Variants in RARB observed in about 807,000 individuals in gnomAD.
The protein encoded by RARB is HBV-activated protein.
A neutral mutation model predicts 51.9 loss-of-function variants in RARB; 17 were observed. That is an observed-to-expected ratio of 0.33 (90% CI 0.22 to 0.49). RARB has a LOEUF of 0.49. Among genes scored for constraint, RARB ranks in the 20% least tolerant of loss-of-function variants. The pLI is 0.99. For synonymous variants in RARB, 215 were observed against 195.4 expected (o/e 1.10, Z -0.84); for missense variants, 369 against 550.8 (o/e 0.67, Z 3.30).
intron 2 of RARB, among the ~76,000 whole-genome samples, chr3:25,001,953 T>C (rs756202878): frequency 2.6e-5 from 4 of 152,116 alleles, no homozygotes; most frequent in Admixed American, 2.6e-4. Flanking sequence ...AATTTTTTTA[T>C]AGATACAGGG....
At chr3:25,336,967 G>A (rs996812940) in intron 5 of RARB, among the ~76,000 whole-genome samples, 2 of 152,104 alleles carry the variant, frequency 1.3e-5, no homozygotes, top group African/African-American at 4.8e-5. Context: ...CAGAGTGTGT[G>A]GACGAGTTCA....
intron 2 of RARB, among the ~76,000 whole-genome samples, chr3:25,492,929 C>A (rs952223752): frequency 3.3e-5 from 5 of 151,656 alleles, no homozygotes; most frequent in Admixed American, 2.6e-4. Flanking sequence ...GCCATGGCTA[C>A]ACCTTTACTA....
chr3:25,287,512 G>T (rs1218815862), intron 5 of RARB, among the ~76,000 whole-genome samples: 2 of 152,148 alleles, frequency 1.3e-5, no homozygotes, highest in Non-Finnish European at 2.9e-5. Context: ...CATAGAAACT[G>T]CTTCCATCCA....
chr3:25,336,550 A>G (rs1486293448), intron 5 of RARB, among the ~76,000 whole-genome samples: 3 of 152,134 alleles, frequency 2.0e-5, no homozygotes, highest in Non-Finnish European at 4.4e-5. Flanking sequence ...TCCTGGCCCA[A>G]TTCTTCTTTG....
intron 2 of RARB, among the ~76,000 whole-genome samples, chr3:25,026,054 A>G (rs887031472): frequency 6.6e-6 from 1 of 152,180 alleles, no homozygotes; most frequent in African/African-American, 2.4e-5. Context: ...ATGGAATAGT[A>G]CAAAGTGATT....
intron 5 of RARB, among the ~76,000 whole-genome samples, chr3:25,205,764 A>G (rs918129061): frequency 8.6e-5 from 13 of 151,512 alleles, no homozygotes; most frequent in Admixed American, 7.2e-4. Flanking sequence ...TTTTCTTGAG[A>G]CGGGGTCTCA....
chr3:25,305,624 C>T (rs1023709644), intron 5 of RARB, among the ~76,000 whole-genome samples: 8 of 152,244 alleles, frequency 5.3e-5, no homozygotes, highest in African/African-American at 7.2e-5. Flanking sequence ...CCACAGATAT[C>T]AGGCAGGCCA....
intron 2 of RARB, among the ~76,000 whole-genome samples, chr3:24,998,605 C>A (rs921463928): frequency 1.3e-5 from 2 of 152,108 alleles, no homozygotes; most frequent in Admixed American, 6.6e-5. Flanking sequence ...TGCCTTTTAT[C>A]CTAAGGAGTT....
intron 2 of RARB, among the ~76,000 whole-genome samples, chr3:24,975,787 T>A (rs1341417563): frequency 2.0e-5 from 3 of 152,132 alleles, no homozygotes; most frequent in Non-Finnish European, 2.9e-5. Flanking sequence ...TTTGTTATTA[T>A]ACATTAAGTT....
At chr3:25,270,616 G>A (rs1218852090) in intron 5 of RARB, among the ~76,000 whole-genome samples, 1 of 152,180 alleles carries the variant, frequency 6.6e-6, no homozygotes, top group Non-Finnish European at 1.5e-5. Context: ...AATGGGGAGA[G>A]AATAAGCCGT....
At chr3:25,182,528 G>T (rs1344799265) in intron 5 of RARB, among the ~76,000 whole-genome samples, 1 of 152,168 alleles carries the variant, frequency 6.6e-6, no homozygotes, top group African/African-American at 2.4e-5. Context: ...GGACTCAAAA[G>T]TATTGTTATA....
At chr3:25,338,931 C>G (rs1705142382) in intron 5 of RARB, among the ~76,000 whole-genome samples, 1 of 152,074 alleles carries the variant, frequency 6.6e-6, no homozygotes, top group African/African-American at 2.4e-5. Flanking sequence ...AATCGGGTCT[C>G]TGAGAGAACA....
At chr3:24,855,339 G>A (rs1009863136) in intron 1 of RARB, among the ~76,000 whole-genome samples, 5 of 152,198 alleles carry the variant, frequency 3.3e-5, no homozygotes, top group African/African-American at 9.7e-5. Context: ...TCAGAGGGCA[G>A]TGAGTAGGCC....
rs147592584 is a variant in RARB at position 25,019,229 on chromosome 3, A to T, written c.-379-40896A>T. Among the ~76,000 whole-genome samples, 370 of 152,302 alleles carry T rather than the reference A, an allele frequency of 2.4e-3. 2 individuals are homozygous for T. Among genetic ancestry groups the T allele is most frequent in the African/African-American group, 8.5e-3 (355 of 41,562 alleles). Reference sequence around the variant, plus strand: ...ATTGTGGAATGTTATTGTTATTTTTAAAAATGCCCTAAAAATGTTAAATCA... The same window carrying T: ...ATTGTGGAATGTTATTGTTATTTTTTAAAATGCCCTAAAAATGTTAAATCA... On this transcript the variant is annotated intron_variant, in intron 2 of 11. Transcript: ENST00000383772.
chr3:25,559,108 C>T (rs766429609), intron 3 of RARB, among the ~76,000 whole-genome samples: 1 of 152,120 alleles, frequency 6.6e-6, no homozygotes, highest in Non-Finnish European at 1.5e-5. Context: ...CCTTTAAAGG[C>T]CACCGCAAAC....
chr3:25,386,670 C>A (rs1468378239), intron 5 of RARB, among the ~76,000 whole-genome samples: 1 of 152,072 alleles, frequency 6.6e-6, no homozygotes, highest in African/African-American at 2.4e-5. Flanking sequence ...TTCTGAGGTT[C>A]CCTTTGAGAG....
rs76974912 is a variant in RARB, at chr3:24,896,912, C to G, written c.-380+38160C>G. Among the ~76,000 whole-genome samples, 2,079 of 152,220 alleles carry G rather than the reference C, an allele frequency of 0.014. 97 individuals carry two copies. The East Asian group carries it at 0.16, about 12-fold the overall frequency. On this transcript the variant is annotated intron_variant, in intron 2 of 11. Transcript: ENST00000383772. ...AAAAATAATGGACACATTAAACTTG[C>G]CCAGAAGTTAACCCTTCACATTCAA... is the stretch of plus-strand genomic sequence containing the variant.
intron 3 of RARB, among the ~76,000 whole-genome samples, chr3:25,119,686 A>C (rs1370239297): frequency 6.6e-6 from 1 of 152,020 alleles, no homozygotes; most frequent in African/African-American, 2.4e-5. Flanking sequence ...CAAAAAAAAC[A>C]CTGCTCTTGT....
intron 5 of RARB, among the ~76,000 whole-genome samples, chr3:25,269,508 T>G (rs1703203433): frequency 6.6e-6 from 1 of 152,172 alleles, no homozygotes. Flanking sequence ...TTTCTTCGGC[T>G]GTTCAATGTG....
Sources: allele counts gnomAD v4.1 joint callset (sites outside exome capture counted in the v4.1 genomes callset), GRCh38; gene constraint gnomAD v4.1.1; transcripts MANE v1.5; gene names NCBI Gene and HGNC (gene_info 2026-07-23, HGNC 2026-07-21).